Variants in ZNF618 observed in about 807,000 individuals in gnomAD.
ZNF618 encodes the protein neural precursor cell expressed, developmentally down-regulated 10.
In ZNF618, 34 loss-of-function variants were observed where a neutral mutation model predicts 103.0. That is an observed-to-expected ratio of 0.33 (90% CI 0.25 to 0.44). ZNF618 has a LOEUF of 0.44. Among genes scored for constraint, ZNF618 ranks in the 20% least tolerant of loss-of-function variants. The probability of loss-of-function intolerance (pLI) is 1.00; values close to 1 mark genes in which losing one functional copy is unlikely to be tolerated. For synonymous variants in ZNF618, 551 were observed against 542.2 expected, an observed-to-expected ratio of 1.02 and a Z score of -0.23; for missense variants, 1,059 against 1,295.4, an observed-to-expected ratio of 0.82 and a Z score of 2.80.
At chr9:113,901,911 T>TG (rs1181863077) in intron 1 of ZNF618, among the ~76,000 whole-genome samples, 9 of 151,982 alleles carry the variant, frequency 5.9e-5, no homozygotes, top group Non-Finnish European at 8.8e-5. Flanking sequence ...TGTGTCGCAG[T>TG]GGGGGGGACA....
intron 1 of ZNF618, among the ~76,000 whole-genome samples, chr9:113,896,483 T>C (rs533399246): frequency 2.6e-5 from 4 of 152,084 alleles, no homozygotes; most frequent in Non-Finnish European, 5.9e-5. Context: ...TTTTTGTAAT[T>C]TATTGAAATT....
chr9:114,042,896 T>G (rs2134506026), intron 13 of ZNF618, among the ~76,000 whole-genome samples: 1 of 152,346 alleles, frequency 6.6e-6, no homozygotes, highest in Non-Finnish European at 1.5e-5. Context: ...GTCATTCCCT[T>G]TCTCCTACCC....
At chr9:114,036,402 C>G in intron 13 of ZNF618, 25 bp downstream of exon 13, 1 of 1,556,842 alleles carries the variant, frequency 6.4e-7, no homozygotes. Flanking sequence ...GCTTCTCTCC[C>G]CCTCTCCTTC....
chr9:114,028,530 T>C, intron 10 of ZNF618: 1 of 776,510 alleles, frequency 1.3e-6, no homozygotes, highest in Non-Finnish European at 2.0e-6. Flanking sequence ...GGCCTCCAGA[T>C]AACTAAGCGT....
At chr9:114,033,131 C>T (rs75541273) in intron 12 of ZNF618, among the ~76,000 whole-genome samples, 7 of 152,102 alleles carry the variant, frequency 4.6e-5, no homozygotes, top group Non-Finnish European at 7.3e-5. Context: ...TCTAAGAGGC[C>T]GGGCGCCGTG....
chr9:114,033,389 AAGAGAGAGAG>A (rs10624141), intron 12 of ZNF618, among the ~76,000 whole-genome samples: 3,385 of 147,170 alleles, frequency 0.023, 128 homozygotes, highest in African/African-American at 0.079. Context: ...CTGTCTCAAA[AAGAGAGAGAG>A]AGAGAGAGAG....
intron 1 of ZNF618, among the ~76,000 whole-genome samples, chr9:113,883,289 A>C (rs1416695103): frequency 6.6e-6 from 1 of 152,092 alleles, no homozygotes; most frequent in Non-Finnish European, 1.5e-5. Context: ...GCTCCTTTAC[A>C]TGTCTTGGGG....
At chr9:113,933,312 C>T (rs1040550507) in intron 1 of ZNF618, among the ~76,000 whole-genome samples, 3 of 152,198 alleles carry the variant, frequency 2.0e-5, no homozygotes, top group Non-Finnish European at 4.4e-5. Context: ...ACATCACAGT[C>T]TGTTGCTATG....
At chr9:113,982,944 C>A (rs1348719024) in intron 2 of ZNF618, among the ~76,000 whole-genome samples, 1 of 152,186 alleles carries the variant, frequency 6.6e-6, no homozygotes, top group Non-Finnish European at 1.5e-5. Flanking sequence ...CAGGTACTTA[C>A]TGAAAAATAT....
chr9:113,978,088 A>G (rs1279640343), intron 2 of ZNF618, among the ~76,000 whole-genome samples: 2 of 152,248 alleles, frequency 1.3e-5, no homozygotes, highest in Non-Finnish European at 2.9e-5. Context: ...TAATCTATTA[A>G]TCTAATCTTT....
chr9:113,976,094 A>G (rs10114580), intron 2 of ZNF618, among the ~76,000 whole-genome samples: 4,914 of 152,230 alleles, frequency 0.032, 238 homozygotes, highest in African/African-American at 0.11. Flanking sequence ...TTGAAAATTC[A>G]TATACAGTCT....
At chr9:114,005,199 TA>T (rs1841625755) in intron 6 of ZNF618, among the ~76,000 whole-genome samples, 2 of 152,306 alleles carry the variant, frequency 1.3e-5, no homozygotes, top group African/African-American at 4.8e-5. Context: ...TGGGTTTGAT[TA>T]GGCAGCATGA....
rs1835775301 is a variant in ZNF618 at position 113,951,581 on chromosome 9, G to GTGTATATACA, written c.34-17533_34-17532insATATACATGT. ...TGTGTATATGTGTGTGTGTATATGT[G>GTGTATATACA]TGTGTGTGTGTGTGTGTATATATAT... On this transcript the variant is annotated intron_variant, in intron 1 of 14. Transcript: ENST00000374126. Among the ~76,000 whole-genome samples, 90 of 75,468 alleles carry GTGTATATACA rather than the reference G, an allele frequency of 1.2e-3. 1 individual carries two copies. Among genetic ancestry groups the GTGTATATACA allele is most frequent in the African/African-American group, 4.1e-3 (82 of 20,144 alleles). 49.5% of individuals were successfully genotyped at this position (75,468 alleles called of 152,430 possible).
At chr9:113,916,623 C>A (rs1271655975) in intron 1 of ZNF618, among the ~76,000 whole-genome samples, 1 of 152,182 alleles carries the variant, frequency 6.6e-6, no homozygotes, top group Non-Finnish European at 1.5e-5. Flanking sequence ...AAGAATCATG[C>A]AGGTGGCAGT....
chr9:113,974,580 G>A (rs983605018), intron 2 of ZNF618, among the ~76,000 whole-genome samples: 1 of 152,194 alleles, frequency 6.6e-6, no homozygotes, highest in African/African-American at 2.4e-5. Flanking sequence ...TTAGAGCTGA[G>A]TTTCTTAAGG....
chr9:113,999,759 G>T (rs989673795), intron 4 of ZNF618, among the ~76,000 whole-genome samples: 1 of 152,256 alleles, frequency 6.6e-6, no homozygotes, highest in Non-Finnish European at 1.5e-5. Flanking sequence ...ATCGTGCGTT[G>T]TCCCTGTGCC....
chr9:113,991,179 G>A (rs1343158816), intron 3 of ZNF618, among the ~76,000 whole-genome samples: 1 of 152,212 alleles, frequency 6.6e-6, no homozygotes, highest in South Asian at 2.1e-4. Context: ...CCCAGGACCC[G>A]TGAGCCTCAT....
At chr9:113,909,815 C>T (rs867909305) in intron 1 of ZNF618, among the ~76,000 whole-genome samples, 48 of 151,452 alleles carry the variant, frequency 3.2e-4, no homozygotes, top group South Asian at 6.3e-4. Context: ...GACAGAGTCT[C>T]GCTCTGTCAC....
chr9:114,051,748 T>C lies in ZNF618; in HGVS notation c.*1581T>C, dbSNP rs1001291349. ...CGACTCGATGCTGTGAAAGATGTCT[T>C]CAGGCTTTTCTCTCCTGTTCCCCCA... On this transcript the variant is annotated 3_prime_UTR_variant, in exon 15 of 15. Coordinates refer to ENST00000374126, the MANE Select transcript of ZNF618 (RefSeq NM_001318042.2). 5.2e-5 allele frequency: 8 copies of C among 152,570 alleles called. No individual in the cohort carries two copies. Among genetic ancestry groups the C allele is most frequent in the Non-Finnish European group, 1.5e-5 (1 of 68,230 alleles). The allele number at this position is 152,570 out of a possible 1,614,324, so 9.5% of individuals were successfully genotyped here.
Sources: gnomAD v4.1 joint callset for allele counts (sites outside exome capture counted in the v4.1 genomes callset) on GRCh38, gnomAD v4.1.1 for gene constraint, MANE v1.5 for transcripts, NCBI Gene and HGNC (gene_info 2026-07-23, HGNC 2026-07-21) for gene names.